Variants in PDS5A observed in about 807,000 individuals in gnomAD.
PDS5A encodes the protein PDS5 cohesin associated factor A, also known as sister chromatid cohesion protein PDS5 homolog A.
PDS5A carries 42 observed loss-of-function variants against 167.1 expected under a neutral mutation model. The observed-to-expected ratio is 0.25, with a 90% CI of 0.20 to 0.33. The LOEUF (loss-of-function observed/expected upper bound fraction) is 0.33. Ranked by LOEUF, PDS5A falls within the 10% of genes least tolerant of loss-of-function variation. The pLI, the probability that PDS5A is intolerant of heterozygous loss-of-function variation, is 1.00. For missense variants in PDS5A, 1,033 were observed against 1,605.9 expected, an observed-to-expected ratio of 0.64 and a Z score of 6.10; for synonymous variants, 553 against 554.6, an observed-to-expected ratio of 1.00 and a Z score of 0.04.
intron 32 of PDS5A, among the ~76,000 whole-genome samples, chr4:39,832,497 G>A (rs1360784898): frequency 5.3e-5 from 8 of 152,034 alleles, no homozygotes; most frequent in African/African-American, 1.4e-4. Context: ...ATGAGCCACC[G>A]TTCCTGGCTC....
chr4:39,965,448 A>C (rs991660203), intron 2 of PDS5A, among the ~76,000 whole-genome samples: 1 of 152,222 alleles, frequency 6.6e-6, no homozygotes, highest in Admixed American at 6.5e-5. Flanking sequence ...CCGATCCACA[A>C]AACTGTGAGA....
At chr4:39,843,949 G>A (rs1261402752) in intron 30 of PDS5A, among the ~76,000 whole-genome samples, 1 of 151,374 alleles carries the variant, frequency 6.6e-6, no homozygotes, top group East Asian at 2.0e-4. Context: ...GATCGAGCCC[G>A]ACCTGGGGAA....
chr4:39,881,458 CA>C (rs1328726160), intron 17 of PDS5A, among the ~76,000 whole-genome samples: 1 of 151,632 alleles, frequency 6.6e-6, no homozygotes, highest in Non-Finnish European at 1.5e-5. Context: ...TTCCCTCTTA[CA>C]TCACAAGAAT....
At chr4:39,825,887 T>C in intron 32 of PDS5A, among the ~76,000 whole-genome samples, 1 of 152,212 alleles carries the variant, frequency 6.6e-6, no homozygotes, top group East Asian at 1.9e-4. Flanking sequence ...ATTACAGGCA[T>C]GAGTCACTGT....
At chr4:39,875,248 A>G (rs1720363189) in intron 19 of PDS5A, among the ~76,000 whole-genome samples, 1 of 152,208 alleles carries the variant, frequency 6.6e-6, no homozygotes. Context: ...AATGAAGAAA[A>G]TAGTGTGCAT....
At chr4:39,932,094 C>T (rs909220885) in intron 2 of PDS5A, among the ~76,000 whole-genome samples, 5 of 152,054 alleles carry the variant, frequency 3.3e-5, no homozygotes, top group Admixed American at 6.6e-5. Flanking sequence ...GATTTCACCA[C>T]GTTGGCTGGG....
intron 32 of PDS5A, among the ~76,000 whole-genome samples, chr4:39,833,423 C>G (rs1716106971): frequency 6.6e-6 from 1 of 151,854 alleles, no homozygotes; most frequent in African/African-American, 2.4e-5. Context: ...CCTCGGTCAC[C>G]CAGGCTAGGG....
intron 2 of PDS5A, among the ~76,000 whole-genome samples, chr4:39,959,389 T>C (rs1729271613): frequency 1.3e-5 from 2 of 152,134 alleles, no homozygotes; most frequent in Admixed American, 1.3e-4. Context: ...TATCTCACTG[T>C]CGTCTAGGCT....
chr4:39,874,236 T>C (rs945651576), intron 20 of PDS5A, 53 bp downstream of exon 20: 53 of 1,490,008 alleles, frequency 3.6e-5, no homozygotes, highest in Non-Finnish European at 4.5e-5. Flanking sequence ...CATCAAACTA[T>C]AGAGCTTAAA....
At chr4:39,901,825 T>C (rs541377381) in intron 13 of PDS5A, among the ~76,000 whole-genome samples, 4 of 152,234 alleles carry the variant, frequency 2.6e-5, no homozygotes, top group Middle Eastern at 3.4e-3. Context: ...TATGTATATA[T>C]TGTAACATTT....
chr4:39,856,363 TA>T (rs1289137798), intron 26 of PDS5A, among the ~76,000 whole-genome samples: 1 of 152,240 alleles, frequency 6.6e-6, no homozygotes, highest in Non-Finnish European at 1.5e-5. Context: ...TGAGAAATGC[TA>T]AAGTGAGTCC....
chr4:39,904,107 C>T lies in PDS5A; in HGVS notation c.1318G>A (p.Ala440Thr). ...CLHGEAGKEA[A>T]EKVSWIKDKL... ...TCCTTTATCCAGCTGACTTTCTCTG[C>T]AGCTTCCTTTCCTGCTTCACCATGA... The change falls in exon 12 of 33, where the codon GCA (alanine) becomes ACA (threonine). Residue 440 changes from alanine (A) to threonine (T), a missense_variant. Ala to Thr is a moderately conservative substitution (Grantham distance 58). This residue lies in a region of PDS5A where 388 missense variants were observed against 615.1 expected (regional missense o/e 0.63). Transcript: ENST00000303538. 6.2e-7 allele frequency: 1 copy of T among 1,611,760 alleles called. No individual in the cohort carries two copies. The highest frequency in any genetic ancestry group is 8.5e-7 in the Non-Finnish European group (1 of 1,178,290).
chr4:39,917,280 T>C (rs1724478910), intron 7 of PDS5A, 92 bp from the exon 8 acceptor site: 3 of 815,956 alleles, frequency 3.7e-6, no homozygotes, highest in Non-Finnish European at 5.6e-6. Context: ...AATAATTTAA[T>C]TAGGTATTAC....
intron 20 of PDS5A, among the ~76,000 whole-genome samples, chr4:39,873,522 G>T (rs1053980157): frequency 4.6e-5 from 7 of 152,044 alleles, no homozygotes; most frequent in African/African-American, 1.7e-4. Flanking sequence ...CAAAGTAAGA[G>T]TTCACTGGGT....
rs375395483 is a variant in PDS5A at position 39,844,628 on chromosome 4, T to C, written c.3548+28A>G. 1.0e-5 allele frequency: 16 copies of C among 1,588,046 alleles called. No individual in the cohort carries two copies. The African/African-American group carries it at 2.2e-4, about 22-fold the overall frequency. The stretch of plus-strand genomic sequence containing the variant: ...AGATAAACCAAGTAGTGAGTGCTAG[T>C]AACAAAATAATTGGAGAGAAAAGTT... On this transcript the variant is annotated intron_variant, in intron 30 of 32. Transcript: ENST00000303538.
At chr4:39,976,332 A>C in intron 2 of PDS5A, 108 bp downstream of exon 2, 1 of 792,998 alleles carries the variant, frequency 1.3e-6, no homozygotes, top group Non-Finnish European at 2.0e-6. Flanking sequence ...CAGAGGGGGT[A>C]AGAGATCTAA....
rs1310915140 is a variant in PDS5A at position 39,930,261 on chromosome 4, TG to T, written c.139-2098del. On this transcript the variant is annotated intron_variant, in intron 2 of 32. Transcript: ENST00000303538. ...AAAAAAAAAAAGTTTTTTTGTTTTT[TG>T]TTTTTTTTTTTTAAGAGACAGGGTT... 7.8e-4 allele frequency among the ~76,000 whole-genome samples: 106 copies of T among 135,792 alleles called. 3 individuals are homozygous for T. The highest frequency in any genetic ancestry group is 1.4e-3 in the Non-Finnish European group (89 of 61,538). 89.1% of individuals were successfully genotyped at this position (135,792 alleles called of 152,430 possible). A position where few individuals can be genotyped will look rare whatever the true frequency, so the allele number is the denominator to read the frequency against.
intron 2 of PDS5A, among the ~76,000 whole-genome samples, chr4:39,931,038 T>C (rs1475107377): frequency 1.3e-5 from 2 of 152,212 alleles, no homozygotes; most frequent in South Asian, 2.1e-4. Context: ...CTGGATGTGA[T>C]GGCTCACACC....
rs1333340220 is a variant in PDS5A at position 39,904,014 on chromosome 4, C to T, written c.1385+26G>A. 8.9e-6 allele frequency: 13 copies of T among 1,466,532 alleles called. No individual in the cohort carries two copies. In the South Asian group the frequency reaches 1.9e-4, roughly 21 times the overall value. 90.8% of individuals were successfully genotyped at this position (1,466,532 alleles called of 1,614,324 possible). On this transcript the variant is annotated intron_variant, in intron 12 of 32. Coordinates refer to ENST00000303538, the MANE Select transcript of PDS5A (RefSeq NM_001100399.2). ...AAGTAAAAAGTAGTTTTACACTCAA[C>T]CATTCTACCAACATATTAAACTCAC...
Sources: allele counts gnomAD v4.1 joint callset (sites outside exome capture counted in the v4.1 genomes callset), GRCh38; gene constraint gnomAD v4.1.1; regional missense constraint gnomAD v4.1.1; transcripts MANE v1.5; gene names NCBI Gene and HGNC (gene_info 2026-07-23, HGNC 2026-07-21).